Variants in UNC5D observed in about 807,000 individuals in gnomAD.
UNC5D encodes unc-5 netrin receptor D, also known as netrin receptor UNC5D.
A neutral mutation model predicts 105.4 loss-of-function variants in UNC5D; 39 were observed. That is an observed-to-expected ratio of 0.37 (90% CI 0.29 to 0.48). The LOEUF is 0.48. Among genes scored for constraint, UNC5D ranks in the 20% least tolerant of loss-of-function variants. The pLI is 0.98. For synonymous variants in UNC5D, 452 were observed against 450.4 expected (o/e 1.00, Z -0.04); for missense variants, 991 against 1,202.4 (o/e 0.82, Z 2.60).
chr8:35,523,000 A>T (rs1563497353), intron 1 of UNC5D, among the ~76,000 whole-genome samples: 1 of 152,096 alleles, frequency 6.6e-6, no homozygotes, highest in Non-Finnish European at 1.5e-5. Flanking sequence ...AGCCTATTGC[A>T]TGGATCTAGA....
At chr8:35,395,815 C>T (rs1002432088) in intron 1 of UNC5D, among the ~76,000 whole-genome samples, 19 of 152,292 alleles carry the variant, frequency 1.2e-4, no homozygotes, top group African/African-American at 4.6e-4. Context: ...CTCAATCTCC[C>T]GTTCTCACAG....
intron 4 of UNC5D, among the ~76,000 whole-genome samples, chr8:35,637,840 A>G (rs893004552): frequency 6.6e-6 from 1 of 152,158 alleles, no homozygotes; most frequent in Non-Finnish European, 1.5e-5. Context: ...TCAGTCTCTG[A>G]TATTATTCAA....
At chr8:35,279,077 G>A (rs17340138) in intron 1 of UNC5D, among the ~76,000 whole-genome samples, 14,533 of 152,130 alleles carry the variant, frequency 0.096, 920 homozygotes, top group Non-Finnish European at 0.14. Flanking sequence ...TGCTATGACC[G>A]CCAGCCTAGG....
chr8:35,480,572 ATTATTGAACAACTT>A (rs779867957), intron 1 of UNC5D, among the ~76,000 whole-genome samples: 5 of 152,186 alleles, frequency 3.3e-5, no homozygotes, highest in Non-Finnish European at 5.9e-5. Flanking sequence ...AACAATAATC[ATTATTGAACAACTT>A]TTTTTAATTG....
chr8:35,668,040 A>T (rs966227907), intron 4 of UNC5D, among the ~76,000 whole-genome samples: 2 of 152,160 alleles, frequency 1.3e-5, no homozygotes. Flanking sequence ...TACACAAGGA[A>T]TGTACCAATT....
At chr8:35,785,551 G>A (rs929230401) in intron 16 of UNC5D, among the ~76,000 whole-genome samples, 5 of 152,016 alleles carry the variant, frequency 3.3e-5, no homozygotes, top group Non-Finnish European at 7.4e-5. Flanking sequence ...GAAGAGATGG[G>A]GGTTTCACCA....
At chr8:35,341,936 C>T (rs1208874761) in intron 1 of UNC5D, among the ~76,000 whole-genome samples, 1 of 152,108 alleles carries the variant, frequency 6.6e-6, no homozygotes, top group African/African-American at 2.4e-5. Flanking sequence ...TACTCAATTT[C>T]ACAGTAGTCT....
chr8:35,754,691 C>T (rs1830434776), intron 13 of UNC5D, among the ~76,000 whole-genome samples: 1 of 152,120 alleles, frequency 6.6e-6, no homozygotes, highest in Non-Finnish European at 1.5e-5. Flanking sequence ...TAGGGACATT[C>T]TCTATTTTTA....
chr8:35,314,954 G>A (rs1359247080), intron 1 of UNC5D, among the ~76,000 whole-genome samples: 2 of 152,120 alleles, frequency 1.3e-5, no homozygotes, highest in East Asian at 1.9e-4. Context: ...GTATAGTTAA[G>A]CTAAGAGAAT....
intron 1 of UNC5D, among the ~76,000 whole-genome samples, chr8:35,271,274 T>C (rs1203686090): frequency 6.9e-6 from 1 of 145,338 alleles, no homozygotes; most frequent in South Asian, 2.1e-4. Context: ...TATGTATACA[T>C]ATATGTGTGT....
chr8:35,733,963 G>T (rs2131583868), intron 11 of UNC5D, among the ~76,000 whole-genome samples: 1 of 151,960 alleles, frequency 6.6e-6, no homozygotes, highest in South Asian at 2.1e-4. Context: ...GGTTTGAGGG[G>T]TAGAGGGGTC....
At chr8:35,293,448 C>T (rs919051889) in intron 1 of UNC5D, among the ~76,000 whole-genome samples, 3 of 152,146 alleles carry the variant, frequency 2.0e-5, no homozygotes, top group Admixed American at 2.0e-4. Context: ...TCTGGCACTA[C>T]TTCTTTTATG....
rs376740749 is a variant in UNC5D at position 35,766,887 on chromosome 8, C to T, written c.2314-15C>T. ...AGGCTCTGCACACCATCCCTTCTCT[C>T]CGTCTCCCCTGCAGGAAGTCCCGTT... On this transcript the variant is annotated splice_polypyrimidine_tract_variant and intron_variant, in intron 14 of 16. Coordinates refer to ENST00000404895, the MANE Select transcript of UNC5D (RefSeq NM_080872.4). The T allele has an allele frequency of 3.4e-5, 55 of 1,605,544 alleles. No homozygotes were observed. Among genetic ancestry groups the T allele is most frequent in the Non-Finnish European group, 4.3e-5 (50 of 1,175,120 alleles).
At chr8:35,631,134 G>A (rs1213327726) in intron 4 of UNC5D, among the ~76,000 whole-genome samples, 1 of 152,130 alleles carries the variant, frequency 6.6e-6, no homozygotes, top group East Asian at 1.9e-4. Context: ...GCAACACGGT[G>A]AAACCCCATC....
chr8:35,341,208 TC>T (rs1469234359), intron 1 of UNC5D, among the ~76,000 whole-genome samples: 2 of 152,054 alleles, frequency 1.3e-5, no homozygotes, highest in Non-Finnish European at 2.9e-5. Context: ...TCCATTATAA[TC>T]TAGAAATTTT....
At chr8:35,780,465 G>A (rs1018953004) in intron 16 of UNC5D, among the ~76,000 whole-genome samples, 2 of 152,210 alleles carry the variant, frequency 1.3e-5, no homozygotes, top group Non-Finnish European at 2.9e-5. Context: ...CCGAGGAAAA[G>A]GATGGAGGAA....
intron 1 of UNC5D, among the ~76,000 whole-genome samples, chr8:35,348,294 A>C (rs2128907971): frequency 6.6e-6 from 1 of 152,062 alleles, no homozygotes; most frequent in East Asian, 1.9e-4. Context: ...CATGGAATTA[A>C]CAAGTTATGA....
intron 14 of UNC5D, among the ~76,000 whole-genome samples, chr8:35,762,501 A>C (rs1040424457): frequency 6.6e-6 from 1 of 152,180 alleles, no homozygotes; most frequent in African/African-American, 2.4e-5. Flanking sequence ...CCACGATGCT[A>C]GTCTCCCCAA....
At chr8:35,470,116 C>G (rs952021376) in intron 1 of UNC5D, among the ~76,000 whole-genome samples, 2 of 152,046 alleles carry the variant, frequency 1.3e-5, no homozygotes, top group African/African-American at 4.8e-5. Context: ...CAGCCAGGAG[C>G]TAAGAACACA....
Sources: gnomAD v4.1 joint callset for allele counts (sites outside exome capture counted in the v4.1 genomes callset) on GRCh38, gnomAD v4.1.1 for gene constraint, MANE v1.5 for transcripts, NCBI Gene and HGNC (gene_info 2026-07-23, HGNC 2026-07-21) for gene names.